Variants in MDN1 observed in about 807,000 individuals in gnomAD.
MDN1 encodes the protein midasin AAA ATPase 1.
MDN1 carries 266 observed loss-of-function variants against 669.2 expected under a neutral mutation model. The observed-to-expected ratio is 0.40, with a 90% CI of 0.36 to 0.44. MDN1 has a LOEUF of 0.44. Among genes scored for constraint, MDN1 ranks in the 20% least tolerant of loss-of-function variants. The pLI is 1.00. For missense variants in MDN1, 5,940 were observed against 6,754.0 expected, an observed-to-expected ratio of 0.88 and a Z score of 4.22; for synonymous variants, 2,385 against 2,457.1, an observed-to-expected ratio of 0.97 and a Z score of 0.87.
intron 65 of MDN1, 122 bp from the exon 66 acceptor site, chr6:89,688,930 G>A: frequency 1.3e-6 from 1 of 784,186 alleles, no homozygotes; most frequent in Non-Finnish European, 2.1e-6. Context: ...AGCACTTTGG[G>A]GAGCCGAGGC....
rs1482501704 is a variant in MDN1, at chr6:89,670,166, A to ATTT, written c.13956+752_13956+753insAAA. Among the ~76,000 whole-genome samples the ATTT allele has an allele frequency of 5.2e-3, 92 of 17,678 alleles. 3 individuals carry two copies. The highest frequency in any genetic ancestry group is 6.7e-3 in the Non-Finnish European group (80 of 11,856). The allele number at this position is 17,678 out of a possible 152,430, so 11.6% of individuals were successfully genotyped here. A position where few individuals can be genotyped will look rare whatever the true frequency, so the allele number is the denominator to read the frequency against. ...TATATATATATATATATATATATAT[A>ATTT]TATATTTTTTTTTTTTTTTTTTTTG... is the stretch of plus-strand genomic sequence containing the variant. On this transcript the variant is annotated intron_variant, in intron 83 of 101. Coordinates refer to ENST00000369393, the MANE Select transcript of MDN1 (RefSeq NM_014611.3).
chr6:89,730,886 T>C lies in MDN1; in HGVS notation c.4980A>G (p.Ala1660=). The change falls in exon 35 of 102, where the codon GCA becomes GCG. Residue 1660 remains alanine (A), a synonymous_variant. Coordinates refer to ENST00000369393, the MANE Select transcript of MDN1 (RefSeq NM_014611.3). ...TTAGAAATTTCAGACATTCTTTTCG[T>C]GCCAAAAGGGCTGTACCAAACCCAG... The part of the protein sequence containing the change: ...TSSGFGTALL[A]RKECLKFLIK... The C allele has an allele frequency of 1.2e-6, 2 of 1,614,046 alleles. No homozygotes were observed. The highest frequency in any genetic ancestry group is 4.5e-5 in the East Asian group (2 of 44,870).
At position 89,754,096 on chromosome 6, in the gene MDN1, C is replaced by T. The variant is rs1233800676; in HGVS notation, c.2951G>A (p.Arg984His). The change falls in exon 21 of 102, where the codon CGC (arginine) becomes CAC (histidine). Residue 984 changes from arginine to histidine, a missense_variant. Physicochemically the swap from Arg to His is conservative, Grantham distance 29. Around this residue, in one of 5 missense-constraint regions of MDN1, gnomAD observed 1,203 missense variants for 1,268.9 expected, o/e 0.95. Coordinates refer to ENST00000369393, the MANE Select transcript of MDN1 (RefSeq NM_014611.3). ...CTTCAGAAAGACCTCATAGAGTGAG[C>T]GCTGAATGTTGCCACATGGATTGGA... is the stretch of plus-strand genomic sequence containing the variant. ...AASNPCGNIQ[R>H]SLYEGFCLGF... The T allele has an allele frequency of 6.2e-6, 10 of 1,613,660 alleles. No homozygotes were observed. The highest frequency in any genetic ancestry group is 3.3e-5 in the South Asian group (3 of 91,042).
intron 83 of MDN1, 21 bp downstream of exon 83, chr6:89,670,898 C>A: frequency 3.7e-6 from 6 of 1,608,184 alleles, no homozygotes; most frequent in Non-Finnish European, 5.1e-6. Context: ...GCTCACAGTG[C>A]ACCATGTGAA....
At chr6:89,817,780 C>T (rs1768939527) in intron 1 of MDN1, among the ~76,000 whole-genome samples, 1 of 152,178 alleles carries the variant, frequency 6.6e-6, no homozygotes, top group Non-Finnish European at 1.5e-5. Flanking sequence ...AGAAAGTAAA[C>T]AACCAGTCTG....
At chr6:89,696,794 T>C (rs1229438484) in intron 59 of MDN1, among the ~76,000 whole-genome samples, 4 of 152,080 alleles carry the variant, frequency 2.6e-5, no homozygotes, top group Non-Finnish European at 5.9e-5. Context: ...TAGTAATGCA[T>C]GAGGAAAGCC....
chr6:89,781,851 G>A (rs990027629), intron 9 of MDN1, among the ~76,000 whole-genome samples: 2 of 152,168 alleles, frequency 1.3e-5, no homozygotes, highest in African/African-American at 4.8e-5. Flanking sequence ...TGGGCACGGT[G>A]CCGTGTGCCT....
At chr6:89,684,009 C>A in intron 71 of MDN1, 105 bp from the exon 72 acceptor site, 1 of 838,618 alleles carries the variant, frequency 1.2e-6, no homozygotes, top group Non-Finnish European at 2.0e-6. Context: ...CTATCCCAAA[C>A]ACAGGACTGT....
In MDN1 at chr6:89,650,666, C is replaced by A; in HGVS notation, c.16031+66G>T. ...ACTATAAATGGTTAGGTGCCGCGTT[C>A]AACAGAATCAATGAAGCTGCCGTCT... is the stretch of plus-strand genomic sequence containing the variant. On this transcript the variant is annotated intron_variant, in intron 96 of 101. Coordinates refer to ENST00000369393, the MANE Select transcript of MDN1 (RefSeq NM_014611.3). 2.3e-6 allele frequency: 3 copies of A among 1,279,056 alleles called. No individual in the cohort carries two copies. The South Asian group carries it at 3.8e-5, about 16-fold the overall frequency. 79.2% of individuals were successfully genotyped at this position (1,279,056 alleles called of 1,614,324 possible).
At chr6:89,656,026 G>C (rs900664996) in intron 91 of MDN1, 58 bp from the exon 92 acceptor site, 1 of 1,485,362 alleles carries the variant, frequency 6.7e-7, no homozygotes, top group Non-Finnish European at 9.2e-7. Flanking sequence ...AGGACTCAAA[G>C]TAAACATAAT....
chr6:89,778,398 C>T (rs1167936306), intron 11 of MDN1, among the ~76,000 whole-genome samples: 3 of 151,866 alleles, frequency 2.0e-5, no homozygotes, highest in Admixed American at 2.0e-4. Flanking sequence ...CAAAAAGACC[C>T]AAATAATGGC....
rs200428604 is a variant in MDN1 at position 89,644,996 on chromosome 6, G to C, written c.16602+19C>G. Reference sequence around the variant, plus strand: ...CCCCACTTTACCTCCAGAAAAGGTGGCTTTTAGTAGTCACTCACCCGTGAA... The same window carrying C: ...CCCCACTTTACCTCCAGAAAAGGTGCCTTTTAGTAGTCACTCACCCGTGAA... On this transcript the variant is annotated intron_variant, in intron 101 of 101. Transcript: ENST00000369393. 2.5e-6 allele frequency: 4 copies of C among 1,572,508 alleles called. No homozygotes were observed. The highest frequency in any genetic ancestry group is 3.5e-6 in the Non-Finnish European group (4 of 1,147,480).
intron 64 of MDN1, 138 bp downstream of exon 64, chr6:89,690,535 G>C (rs1812313145): frequency 2.7e-6 from 3 of 1,111,470 alleles, no homozygotes. Context: ...TCCAGCCTGG[G>C]TGATAGAGCA....
At chr6:89,732,491 G>T (rs1331642920) in intron 34 of MDN1, 66 bp downstream of exon 34, 2 of 1,397,518 alleles carry the variant, frequency 1.4e-6, no homozygotes, top group Non-Finnish European at 2.0e-6. Flanking sequence ...AGAGGCCTGG[G>T]CTTGCTCCTT....
chr6:89,780,167 G>A, intron 11 of MDN1, 45 bp downstream of exon 11: 1 of 1,118,710 alleles, frequency 8.9e-7, no homozygotes, highest in Non-Finnish European at 1.3e-6. Flanking sequence ...GAAGTCAACA[G>A]CCTTACAGAA....
intron 76 of MDN1, 30 bp from the exon 77 acceptor site, chr6:89,676,237 A>G (rs1447116959): frequency 1.3e-6 from 2 of 1,597,300 alleles, no homozygotes; most frequent in Admixed American, 3.3e-5. Flanking sequence ...TGTTTACTTA[A>G]TTAAAACCAC....
At chr6:89,646,975 T>A (rs1448015433) in intron 99 of MDN1, among the ~76,000 whole-genome samples, 1 of 152,104 alleles carries the variant, frequency 6.6e-6, no homozygotes, top group African/African-American at 2.4e-5. Context: ...TTTGTAGAAA[T>A]GAGGTCTCAC....
At chr6:89,703,890 G>GT (rs1181796778) in intron 53 of MDN1, among the ~76,000 whole-genome samples, 2 of 151,610 alleles carry the variant, frequency 1.3e-5, no homozygotes, top group African/African-American at 4.9e-5. Flanking sequence ...GCACGCGCCT[G>GT]TAATCCCAGC....
intron 15 of MDN1, among the ~76,000 whole-genome samples, chr6:89,766,259 G>A (rs761972348): frequency 6.6e-6 from 1 of 151,606 alleles, no homozygotes; most frequent in Non-Finnish European, 1.5e-5. Flanking sequence ...AGATCACGCT[G>A]CTGCACTCCA....
Sources: allele counts gnomAD v4.1 joint callset (sites outside exome capture counted in the v4.1 genomes callset), GRCh38; gene constraint gnomAD v4.1.1; regional missense constraint gnomAD v4.1.1; transcripts MANE v1.5; gene names NCBI Gene and HGNC (gene_info 2026-07-23, HGNC 2026-07-21).